TRMT9B: variants seen among roughly 807,000 people sequenced by gnomAD.
The protein encoded by TRMT9B is tRNA methyltransferase 9B (putative).
Under a neutral mutation model 11.5 loss-of-function variants are expected in TRMT9B, and 16 were observed. The observed-to-expected ratio is 1.39, with a 90% CI of 0.94 to 2.11. The LOEUF (loss-of-function observed/expected upper bound fraction) is 2.11, where lower values mean the gene tolerates loss of function less well. Ranked by LOEUF, TRMT9B falls within the 30% of genes most tolerant of loss-of-function variation. The pLI, the probability that TRMT9B is intolerant of heterozygous loss-of-function variation, is 0.00. For missense variants in TRMT9B, 941 were observed against 553.8 expected (o/e 1.70, Z -7.02); for synonymous variants, 274 against 192.4 (o/e 1.42, Z -3.51).
intron 2 of TRMT9B, among the ~76,000 whole-genome samples, chr8:12,997,570 GC>G (rs1311359441): frequency 1.3e-5 from 2 of 152,150 alleles, no homozygotes; most frequent in African/African-American, 4.8e-5. Context: ...GCATATGGTT[GC>G]AAACTTCCAT....
At chr8:12,952,310 G>C (rs999922467) in intron 1 of TRMT9B, 1 of 364,938 alleles carries the variant, frequency 2.7e-6, no homozygotes, top group African/African-American at 2.2e-5. Context: ...GGGCGCGACA[G>C]GTCGTCTAGC....
At chr8:12,970,235 G>A (rs891249529) in intron 1 of TRMT9B, 4 of 152,216 alleles carry the variant, frequency 2.6e-5, no homozygotes, top group Non-Finnish European at 5.9e-5. Flanking sequence ...GACATCTGTT[G>A]TTATTAAACA....
In TRMT9B at chr8:13,021,931, G is replaced by C. The variant is rs1259995454; in HGVS notation, c.1252G>C (p.Gly418Arg). The change falls in exon 5 of 5, where the codon GGG (glycine) becomes CGG (arginine). Residue 418 changes from glycine to arginine, a missense_variant. Physicochemically the swap from Gly to Arg is moderately radical, Grantham distance 125. Coordinates refer to ENST00000524591, the MANE Select transcript of TRMT9B (RefSeq NM_020844.3). ...GCGCTACTACCATGTGTTTCGAGAA[G>C]GGGAGCTCTGCAGTCTGCTCAAGGA... is the stretch of plus-strand genomic sequence containing the variant. ...FMRYYHVFRE[G>R]ELCSLLKENV... 4 of 1,613,746 alleles carry C rather than the reference G, an allele frequency of 2.5e-6. No individual in the cohort carries two copies. Among genetic ancestry groups the C allele is most frequent in the Non-Finnish European group, 3.4e-6 (4 of 1,179,868 alleles).
chr8:12,967,994 C>G (rs921894260), intron 1 of TRMT9B, among the ~76,000 whole-genome samples: 2 of 152,196 alleles, frequency 1.3e-5, no homozygotes, highest in African/African-American at 4.8e-5. Flanking sequence ...CTACTGGGCT[C>G]TCACCTCAGC....
chr8:12,998,245 C>G (rs1020517816), intron 2 of TRMT9B, among the ~76,000 whole-genome samples: 28 of 152,062 alleles, frequency 1.8e-4, no homozygotes, highest in African/African-American at 6.3e-4. Context: ...TTTATTTTTC[C>G]TCTTATGGTT....
chr8:13,023,812 G>A lies in TRMT9B; in HGVS notation c.*1768G>A, dbSNP rs1051360974. On this transcript the variant is annotated 3_prime_UTR_variant, in exon 5 of 5. Coordinates refer to ENST00000524591, the MANE Select transcript of TRMT9B (RefSeq NM_020844.3). Reference sequence around the variant, plus strand: ...AACTTAAAATAATGATGTTACTTTTGAACAAACTTAAAGAAATATTTTTAA... The same window carrying A: ...AACTTAAAATAATGATGTTACTTTTAAACAAACTTAAAGAAATATTTTTAA... 1.8e-5 allele frequency: 3 copies of A among 166,142 alleles called. No individual in the cohort carries two copies. Among genetic ancestry groups the A allele is most frequent in the African/African-American group, 7.3e-5 (3 of 41,276 alleles). The allele number at this position is 166,142 out of a possible 1,614,324, so 10.3% of individuals were successfully genotyped here. A position where few individuals can be genotyped will look rare whatever the true frequency, so the allele number is the denominator to read the frequency against.
intron 1 of TRMT9B, among the ~76,000 whole-genome samples, chr8:12,988,437 A>C (rs1806718595): frequency 6.6e-6 from 1 of 152,228 alleles, no homozygotes; most frequent in Non-Finnish European, 1.5e-5. Flanking sequence ...TTCTCAGGCT[A>C]CTAATAAAGA....
chr8:12,953,092 C>G (rs940403690), intron 1 of TRMT9B, among the ~76,000 whole-genome samples: 39 of 152,220 alleles, frequency 2.6e-4, no homozygotes, highest in Middle Eastern at 3.4e-3. Flanking sequence ...GCCCACAATG[C>G]TCTATGTAGA....
In TRMT9B at chr8:13,012,215, A is replaced by T. The variant is rs1052541224; in HGVS notation, c.155-469A>T. On this transcript the variant is annotated intron_variant, in intron 3 of 4. Transcript: ENST00000524591. ...TATGAGAATCTGTAAGTATTCGCCG[A>T]AGGCTTTTCTTTTGCTTTTGTGAAT... 5.1e-6 allele frequency: 5 copies of T among 985,204 alleles called. No individual in the cohort carries two copies. In the African/African-American group the frequency reaches 8.8e-5, roughly 17 times the overall value. 61.0% of individuals were successfully genotyped at this position (985,204 alleles called of 1,614,324 possible). A position where few individuals can be genotyped will look rare whatever the true frequency, so the allele number is the denominator to read the frequency against.
intron 2 of TRMT9B, among the ~76,000 whole-genome samples, chr8:12,992,294 T>C (rs920969539): frequency 1.3e-4 from 19 of 151,974 alleles, no homozygotes; most frequent in Non-Finnish European, 2.6e-4. Context: ...ATATACAGAG[T>C]TGAGAGTTCA....
Position 13,023,785 on chromosome 8 carries a change from A to G in TRMT9B, c.*1741A>G, listed in dbSNP as rs896165437. On this transcript the variant is annotated 3_prime_UTR_variant, in exon 5 of 5. Transcript: ENST00000524591. The stretch of plus-strand genomic sequence containing the variant: ...TCTTTTTTCCTTTAATGATTGTGCT[A>G]TAACTTAAAATAATGATGTTACTTT... The G allele has an allele frequency of 4.8e-5, 8 of 166,510 alleles. No individual in the cohort carries two copies. In the South Asian group the frequency reaches 8.3e-4, roughly 17 times the overall value. The allele number at this position is 166,510 out of a possible 1,614,324, so 10.3% of individuals were successfully genotyped here.
chr8:13,011,640 C>G (rs886582532), intron 3 of TRMT9B: 17 of 975,976 alleles, frequency 1.7e-5, no homozygotes, highest in Middle Eastern at 5.2e-4. Flanking sequence ...CTACCTACCT[C>G]AATCATAACA....
At chr8:12,955,742 G>C (rs1048696324) in intron 1 of TRMT9B, among the ~76,000 whole-genome samples, 3 of 152,154 alleles carry the variant, frequency 2.0e-5, no homozygotes, top group African/African-American at 7.2e-5. Context: ...GAGCAGGAAG[G>C]GGTTGAATAT....
intron 4 of TRMT9B, among the ~76,000 whole-genome samples, chr8:13,014,918 G>A (rs964216560): frequency 5.9e-5 from 9 of 151,926 alleles, no homozygotes; most frequent in South Asian, 2.1e-4. Context: ...AAAATTAGCC[G>A]GGCATGGTGG....
Position 13,021,076 on chromosome 8 carries a change from C to T in TRMT9B, c.397C>T (p.Pro133Ser), listed in dbSNP as rs561089793. 9 of 1,604,116 alleles carry T rather than the reference C, an allele frequency of 5.6e-6. 1 individual carries two copies. In the South Asian group the frequency reaches 8.9e-5, roughly 16 times the overall value. Residue 133 changes from proline to serine, a missense_variant, in exon 5 of 5, where the codon CCC (proline) becomes TCC (serine). Transcript: ENST00000524591. ...AIKEMARVLV[P>S]GGQLMIYVWA... ...AAAAGAAATGGCCAGGGTCTTAGTT[C>T]CCGGAGGCCAACTGATGATTTACGT...
chr8:12,998,747 G>A (rs1808817715), intron 2 of TRMT9B, among the ~76,000 whole-genome samples: 1 of 152,186 alleles, frequency 6.6e-6, no homozygotes, highest in Admixed American at 6.5e-5. Flanking sequence ...TCTCCTTGAT[G>A]AGACAGTAGA....
intron 2 of TRMT9B, among the ~76,000 whole-genome samples, chr8:12,994,479 G>C (rs1449601350): frequency 6.6e-6 from 1 of 151,906 alleles, no homozygotes; most frequent in African/African-American, 2.4e-5. Flanking sequence ...CTTCCCTTCG[G>C]TAGCGCTCAG....
intron 1 of TRMT9B, among the ~76,000 whole-genome samples, chr8:12,959,482 C>CTCCTA (rs554220097): frequency 0.014 from 706 of 52,284 alleles, 8 homozygotes; most frequent in African/African-American, 0.035. Context: ...GTATTTTCCT[C>CTCCTA]TCCTCTCCTC....
At chr8:13,020,078 T>C (rs1813531694) in intron 4 of TRMT9B, among the ~76,000 whole-genome samples, 1 of 152,194 alleles carries the variant, frequency 6.6e-6, no homozygotes, top group Non-Finnish European at 1.5e-5. Context: ...CTACAAAGAT[T>C]AGTTTGCCTA....
Sources: allele counts gnomAD v4.1 joint callset (sites outside exome capture counted in the v4.1 genomes callset), GRCh38; gene constraint gnomAD v4.1.1; transcripts MANE v1.5; gene names NCBI Gene and HGNC (gene_info 2026-07-23, HGNC 2026-07-21).